Variants in ADCY8 observed in about 807,000 individuals in gnomAD.
The protein encoded by ADCY8 is adenylate cyclase type 8.
A neutral mutation model predicts 119.7 loss-of-function variants in ADCY8; 51 were observed. That is an observed-to-expected ratio of 0.43 (90% CI 0.34 to 0.54). The LOEUF (loss-of-function observed/expected upper bound fraction) is 0.54. ADCY8 is among the 20% of genes least tolerant of loss of function. The pLI is 0.03. For synonymous variants in ADCY8, 665 were observed against 651.0 expected, an observed-to-expected ratio of 1.02 and a Z score of -0.33; for missense variants, 1,383 against 1,598.8, an observed-to-expected ratio of 0.87 and a Z score of 2.30.
intron 4 of ADCY8, among the ~76,000 whole-genome samples, chr8:130,939,134 A>G (rs144831133): frequency 5.9e-5 from 9 of 152,102 alleles, no homozygotes; most frequent in African/African-American, 2.2e-4. Context: ...ATCCATCAAC[A>G]AACACCAAAA....
intron 6 of ADCY8, among the ~76,000 whole-genome samples, chr8:130,904,705 G>A (rs558297352): frequency 6.6e-6 from 1 of 152,280 alleles, no homozygotes; most frequent in South Asian, 2.1e-4. Flanking sequence ...TCACTCACAA[G>A]TGAAGTGACT....
At chr8:131,036,754 T>C (rs1824167800) in intron 1 of ADCY8, among the ~76,000 whole-genome samples, 1 of 152,060 alleles carries the variant, frequency 6.6e-6, no homozygotes, top group Non-Finnish European at 1.5e-5. Flanking sequence ...AGGTAGCAGG[T>C]GAAAAGACCC....
chr8:131,019,843 GTC>G (rs71306306), intron 1 of ADCY8, among the ~76,000 whole-genome samples: 13,963 of 86,714 alleles, frequency 0.16, 860 homozygotes, highest in African/African-American at 0.21. Flanking sequence ...CTCTCTGTCT[GTC>G]TCTCTCTCTC....
In ADCY8 at chr8:130,894,850, A is replaced by C; in HGVS notation, c.1911+8922T>G. 1.3e-5 allele frequency among the ~76,000 whole-genome samples: 2 copies of C among 152,156 alleles called. 1 individual carries two copies. The highest frequency in any genetic ancestry group is 3.9e-4 in the East Asian group (2 of 5,194). ...GGTGGGTCAGGGCACATATAAAATTACTTGAAAAATGGGAATAAAAATTCA... is the reference window on the plus strand; with the variant it reads ...GGTGGGTCAGGGCACATATAAAATTCCTTGAAAAATGGGAATAAAAATTCA... On this transcript the variant is annotated intron_variant, in intron 7 of 17. Coordinates refer to ENST00000286355, the MANE Select transcript of ADCY8 (RefSeq NM_001115.3).
chr8:130,957,301 G>T (rs771415596), intron 2 of ADCY8, among the ~76,000 whole-genome samples: 1 of 152,190 alleles, frequency 6.6e-6, no homozygotes, highest in Non-Finnish European at 1.5e-5. Flanking sequence ...GTGGCATTTT[G>T]CTGCTGTCCT....
At chr8:130,946,285 T>A (rs6470868) in intron 3 of ADCY8, among the ~76,000 whole-genome samples, 7,000 of 152,212 alleles carry the variant, frequency 0.046, 512 homozygotes, top group African/African-American at 0.16. Context: ...AAAGAACAAA[T>A]GGATTCCCTG....
At chr8:130,997,291 A>G (rs569839120) in intron 1 of ADCY8, among the ~76,000 whole-genome samples, 1 of 152,112 alleles carries the variant, frequency 6.6e-6, no homozygotes, top group Non-Finnish European at 1.5e-5. Flanking sequence ...GTAAGTCTGC[A>G]CGCACTTGTG....
intron 14 of ADCY8, among the ~76,000 whole-genome samples, chr8:130,806,293 G>T (rs1048329230): frequency 1.3e-5 from 2 of 152,206 alleles, no homozygotes; most frequent in Non-Finnish European, 2.9e-5. Context: ...GGCTACTCAC[G>T]CTGGTTCCAG....
At chr8:130,844,180 C>G (rs1817229837) in intron 11 of ADCY8, among the ~76,000 whole-genome samples, 1 of 152,114 alleles carries the variant, frequency 6.6e-6, no homozygotes. Context: ...TGAGGGTCTT[C>G]CCACCGAATC....
chr8:130,876,177 A>T (rs1465884478), intron 8 of ADCY8, among the ~76,000 whole-genome samples: 1 of 151,848 alleles, frequency 6.6e-6, no homozygotes, highest in Non-Finnish European at 1.5e-5. Flanking sequence ...CAGCCTCCCG[A>T]GTAGCTGGGA....
At chr8:130,799,694 C>G (rs1411629251) in intron 15 of ADCY8, among the ~76,000 whole-genome samples, 2 of 152,244 alleles carry the variant, frequency 1.3e-5, no homozygotes, top group African/African-American at 4.8e-5. Context: ...ATATGGGTAT[C>G]CAAAAGCCTG....
At chr8:130,836,520 G>T in intron 11 of ADCY8, 71 bp from the exon 12 acceptor site, 2 of 1,515,390 alleles carry the variant, frequency 1.3e-6, no homozygotes, top group Non-Finnish European at 9.0e-7. Context: ...ATGGATGCTA[G>T]TAGGTCTTAC....
At chr8:130,787,645 A>G (rs1286061003) in intron 15 of ADCY8, among the ~76,000 whole-genome samples, 1 of 152,176 alleles carries the variant, frequency 6.6e-6, no homozygotes, top group Non-Finnish European at 1.5e-5. Flanking sequence ...TGTACAGTAC[A>G]TGTGTGCATG....
At chr8:130,847,628 G>A (rs548766227) in intron 10 of ADCY8, 115 bp from the exon 11 acceptor site, 12 of 809,880 alleles carry the variant, frequency 1.5e-5, no homozygotes, top group Non-Finnish European at 2.0e-5. Flanking sequence ...TTCAGCACGA[G>A]CCTGGGTAGA....
At chr8:130,948,230 A>G (rs1821162407) in intron 3 of ADCY8, among the ~76,000 whole-genome samples, 1 of 152,260 alleles carries the variant, frequency 6.6e-6, no homozygotes, top group African/African-American at 2.4e-5. Flanking sequence ...TTGAAAGAGC[A>G]GATAGCATTA....
intron 1 of ADCY8, among the ~76,000 whole-genome samples, chr8:131,020,943 C>G (rs1190453272): frequency 6.6e-6 from 1 of 152,090 alleles, no homozygotes; most frequent in African/African-American, 2.4e-5. Context: ...TGATCTAGGT[C>G]TTTCTGTTTC....
intron 7 of ADCY8, among the ~76,000 whole-genome samples, chr8:130,890,881 A>G (rs1051681846): frequency 1.3e-4 from 20 of 152,166 alleles, no homozygotes; most frequent in South Asian, 4.1e-4. Context: ...CAGATGTGGT[A>G]GTCTTTAGAT....
intron 5 of ADCY8, among the ~76,000 whole-genome samples, chr8:130,930,361 C>T (rs1820597287): frequency 6.6e-6 from 1 of 151,914 alleles, no homozygotes; most frequent in South Asian, 2.1e-4. Context: ...ACGCCATTCT[C>T]CTGCCTCAGC....
At chr8:130,983,277 TGCAG>T (rs1563755101) in intron 2 of ADCY8, among the ~76,000 whole-genome samples, 14 of 152,166 alleles carry the variant, frequency 9.2e-5, no homozygotes, top group African/African-American at 2.7e-4. Context: ...GGTAGATAAA[TGCAG>T]CCACTGTAAA....
Sources: allele counts gnomAD v4.1 joint callset (sites outside exome capture counted in the v4.1 genomes callset), GRCh38; gene constraint gnomAD v4.1.1; transcripts MANE v1.5; gene names NCBI Gene and HGNC (gene_info 2026-07-23, HGNC 2026-07-21).